The following SLC45A4 variants were observed in gnomAD, a reference collection of about 807,000 sequenced individuals.
The protein encoded by SLC45A4 is polyamine-transporter SLC45A4.
Under a neutral mutation model 63.7 loss-of-function variants are expected in SLC45A4, and 32 were observed. The ratio of observed to expected loss-of-function variants is 0.50; its 90% CI spans 0.38 to 0.67. SLC45A4 has a LOEUF of 0.67. SLC45A4 is among the 30% of genes least tolerant of loss of function. The pLI, the probability that SLC45A4 is intolerant of heterozygous loss-of-function variation, is 0.00. For synonymous variants in SLC45A4, 535 were observed against 510.0 expected, an observed-to-expected ratio of 1.05 and a Z score of -0.66; for missense variants, 1,027 against 1,157.7, an observed-to-expected ratio of 0.89 and a Z score of 1.64.
intron 1 of SLC45A4, among the ~76,000 whole-genome samples, chr8:141,272,133 T>C (rs1829563732): frequency 6.6e-6 from 1 of 152,230 alleles, no homozygotes. Flanking sequence ...CTTTCAAAAA[T>C]TTTCATTTTC....
In SLC45A4 at chr8:141,207,725, T is replaced by C. The variant is rs1220888781; in HGVS notation, c.*3847A>G. On this transcript the variant is annotated 3_prime_UTR_variant, in exon 9 of 9. Transcript: ENST00000517878. ...CACTGTGGAGGGCAAGGGATGCCGC[T>C]AGGAGGGGTGCTCAGTCCTCCTGGA... 6.6e-6 allele frequency: 1 copy of C among 152,198 alleles called. No homozygotes were observed. The highest frequency in any genetic ancestry group is 1.5e-5 in the Non-Finnish European group (1 of 68,034). 9.4% of individuals were successfully genotyped at this position (152,198 alleles called of 1,614,324 possible). A position where few individuals can be genotyped will look rare whatever the true frequency, so the allele number is the denominator to read the frequency against.
At chr8:141,242,073 A>T (rs1450695847) in intron 2 of SLC45A4, among the ~76,000 whole-genome samples, 1 of 152,256 alleles carries the variant, frequency 6.6e-6, no homozygotes, top group Admixed American at 6.5e-5. Context: ...CCCTGCACAG[A>T]TGAGATGAAA....
chr8:141,210,695 T>C lies in SLC45A4; in HGVS notation c.*877A>G, dbSNP rs1341020879. The C allele has an allele frequency of 1.3e-5, 2 of 152,242 alleles. No individual in the cohort carries two copies. The highest frequency in any genetic ancestry group is 3.8e-4 in the East Asian group (2 of 5,206). 9.4% of individuals were successfully genotyped at this position (152,242 alleles called of 1,614,324 possible). ...GTGTATATATATATTTGCTCTAGAA[T>C]GATCATATTGCAGCATGATTCTCAT... On this transcript the variant is annotated 3_prime_UTR_variant, in exon 9 of 9. Coordinates refer to ENST00000517878, the MANE Select transcript of SLC45A4 (RefSeq NM_001286646.2).
chr8:141,272,872 C>T (rs765872652), intron 1 of SLC45A4, among the ~76,000 whole-genome samples: 53 of 152,290 alleles, frequency 3.5e-4, no homozygotes, highest in Admixed American at 5.9e-4. Context: ...ATTTACATGA[C>T]GGTAAATACT....
intron 8 of SLC45A4, chr8:141,211,979 AGTGGTTAGT>A: frequency 7.8e-7 from 1 of 1,289,048 alleles, no homozygotes. Context: ...TTATCGAAAA[AGTGGTTAGT>A]GTGGTATTTG....
At position 141,294,777 on chromosome 8, in the gene SLC45A4, C is replaced by T. The variant is rs113402988; in HGVS notation, c.-401+13319G>A. Among the ~76,000 whole-genome samples the T allele has an allele frequency of 5.3e-3, 806 of 152,256 alleles. 6 individuals carry two copies. The highest frequency in any genetic ancestry group is 0.019 in the African/African-American group (773 of 41,562). Reference sequence around the variant, plus strand: ...TGCTGAGCCCCAGGCCCAGTTGGTGCGGGACCCCTGGGAGGGAGGCACCCT... The same window carrying T: ...TGCTGAGCCCCAGGCCCAGTTGGTGTGGGACCCCTGGGAGGGAGGCACCCT... On this transcript the variant is annotated intron_variant, in intron 1 of 8. Transcript: ENST00000517878.
rs568743000 is a variant in SLC45A4, at chr8:141,230,142, G to A, written c.242-8377C>T. 9.6e-5 allele frequency: 44 copies of A among 456,070 alleles called. No individual in the cohort carries two copies. In the East Asian group the frequency reaches 1.0e-3, roughly 11 times the overall value. 28.3% of individuals were successfully genotyped at this position (456,070 alleles called of 1,614,324 possible). On this transcript the variant is annotated intron_variant, in intron 2 of 8. Coordinates refer to ENST00000517878, the MANE Select transcript of SLC45A4 (RefSeq NM_001286646.2). ...CTATTTTCCACAACACAGCCGGCCC[G>A]GTGAGTAGACTCTTGGAAGTAGGTT...
In SLC45A4 at chr8:141,221,565, C is replaced by G; in HGVS notation, c.430+12G>C. 1 of 1,609,492 alleles carries G rather than the reference C, an allele frequency of 6.2e-7. No homozygotes were observed. Among genetic ancestry groups the G allele is most frequent in the Non-Finnish European group, 8.5e-7 (1 of 1,178,194 alleles). ...GTGTTGTGAGGACACCAGGTGTGGCCGAGAAACTTACCGATGGCAGAGCCG... is the reference window on the plus strand; with the variant it reads ...GTGTTGTGAGGACACCAGGTGTGGCGGAGAAACTTACCGATGGCAGAGCCG... On this transcript the variant is annotated intron_variant, in intron 3 of 8. Transcript: ENST00000517878.
chr8:141,267,844 C>T (rs1356642952), intron 1 of SLC45A4, among the ~76,000 whole-genome samples: 1 of 152,200 alleles, frequency 6.6e-6, no homozygotes, highest in Non-Finnish European at 1.5e-5. Flanking sequence ...GCAGCAGGAA[C>T]GCTCGTTCAC....
intron 2 of SLC45A4, chr8:141,225,106 A>AC (rs781286466): frequency 1.3e-5 from 2 of 152,098 alleles, no homozygotes; most frequent in South Asian, 2.1e-4. Context: ...CACCCATCTG[A>AC]CCAGTGCGAC....
chr8:141,211,585 A>G lies in SLC45A4; in HGVS notation c.2414T>C (p.Met805Thr), dbSNP rs779358878. Reference protein sequence around the residue: ...YFRKKIFFSTMWFS With the variant: ...YFRKKIFFSTTWFS ...TACGTCATTCTTCTAAGAGAACCAC[A>G]TTGTGGAAAAGAAAATTTTTTTTCT... Residue 805 changes from methionine to threonine, a missense_variant, in exon 9 of 9, where the codon ATG becomes ACG. Coordinates refer to ENST00000517878, the MANE Select transcript of SLC45A4 (RefSeq NM_001286646.2). 136 of 1,612,814 alleles carry G rather than the reference A, an allele frequency of 8.4e-5. No individual in the cohort carries two copies. The highest frequency in any genetic ancestry group is 1.0e-4 in the Non-Finnish European group (123 of 1,179,914).
intron 1 of SLC45A4, among the ~76,000 whole-genome samples, chr8:141,271,527 G>A (rs755940665): frequency 1.3e-5 from 2 of 152,142 alleles, no homozygotes; most frequent in South Asian, 2.1e-4. Context: ...CCCCTACCTC[G>A]AGAGGCTGTG....
intron 1 of SLC45A4, among the ~76,000 whole-genome samples, chr8:141,296,661 C>A (rs947960331): frequency 4.0e-5 from 6 of 150,600 alleles, no homozygotes; most frequent in Non-Finnish European, 7.4e-5. Context: ...CATGGTGAAA[C>A]CCCATCCCTA....
chr8:141,286,537 C>T (rs1320085869), intron 1 of SLC45A4, among the ~76,000 whole-genome samples: 1 of 152,214 alleles, frequency 6.6e-6, no homozygotes, highest in East Asian at 1.9e-4. Flanking sequence ...TTATACTTCA[C>T]AAGAAAAGTA....
intron 2 of SLC45A4, among the ~76,000 whole-genome samples, chr8:141,252,810 C>A (rs76193021): frequency 9.5e-5 from 13 of 136,960 alleles, no homozygotes; most frequent in Non-Finnish European, 1.8e-4. Flanking sequence ...CGTGTTTTCA[C>A]GCCCACCTGC....
intron 1 of SLC45A4, among the ~76,000 whole-genome samples, chr8:141,279,651 C>T (rs2154615063): frequency 6.6e-6 from 1 of 152,008 alleles, no homozygotes; most frequent in South Asian, 2.1e-4. Flanking sequence ...CATCGCGCAC[C>T]CCTCCCTGGC....
At chr8:141,267,097 T>C (rs956676080) in intron 1 of SLC45A4, among the ~76,000 whole-genome samples, 1 of 152,232 alleles carries the variant, frequency 6.6e-6, no homozygotes, top group African/African-American at 2.4e-5. Flanking sequence ...GTGACCTGCC[T>C]GTGAACGGCC....
intron 1 of SLC45A4, among the ~76,000 whole-genome samples, chr8:141,265,108 A>C (rs1431268504): frequency 6.6e-6 from 1 of 152,256 alleles, no homozygotes; most frequent in Non-Finnish European, 1.5e-5. Flanking sequence ...ATAGCTGCCA[A>C]CTTAAAGATG....
At chr8:141,245,026 C>T (rs1300102536) in intron 2 of SLC45A4, among the ~76,000 whole-genome samples, 1 of 146,712 alleles carries the variant, frequency 6.8e-6, no homozygotes, top group Non-Finnish European at 1.5e-5. Flanking sequence ...GTGCAAACTG[C>T]CCCACTGAGT....
Sources: gnomAD v4.1 joint callset for allele counts (sites outside exome capture counted in the v4.1 genomes callset) on GRCh38, gnomAD v4.1.1 for gene constraint, MANE v1.5 for transcripts, NCBI Gene and HGNC (gene_info 2026-07-23, HGNC 2026-07-21) for gene names.